The following RBFOX1 variants were observed in gnomAD, a reference collection of about 807,000 sequenced individuals.
RBFOX1 encodes the protein RNA binding fox-1 homolog 1.
RBFOX1 carries 8 observed loss-of-function variants against 57.7 expected under a neutral mutation model. That is an observed-to-expected ratio of 0.14 (90% CI 0.08 to 0.25). The LOEUF is 0.25. Ranked by LOEUF, RBFOX1 falls within the 10% of genes least tolerant of loss-of-function variation. The pLI is 1.00. For synonymous variants in RBFOX1, 326 were observed against 222.4 expected (o/e 1.47, Z -4.15); for missense variants, 611 against 548.5 (o/e 1.11, Z -1.14).
At chr16:6,295,227 G>A (rs2077969927) in intron 1 of RBFOX1, among the ~76,000 whole-genome samples, 1 of 151,428 alleles carries the variant, frequency 6.6e-6, no homozygotes, top group South Asian at 2.1e-4. Flanking sequence ...AGGTTCAAGT[G>A]ATTGTCGTGC....
At chr16:7,051,133 A>T (rs866610106) in intron 3 of RBFOX1, among the ~76,000 whole-genome samples, 1 of 152,182 alleles carries the variant, frequency 6.6e-6, no homozygotes, top group Non-Finnish European at 1.5e-5. Flanking sequence ...TTAAAAAAAA[A>T]TACTGGAAAG....
intron 4 of RBFOX1, among the ~76,000 whole-genome samples, chr16:7,450,633 T>A (rs1372069841): frequency 1.3e-5 from 2 of 152,024 alleles, no homozygotes; most frequent in African/African-American, 4.8e-5. Context: ...TTTCCAGACC[T>A]CTCCCCTTTT....
chr16:6,480,751 A>T (rs1035718988), intron 2 of RBFOX1, among the ~76,000 whole-genome samples: 1 of 152,142 alleles, frequency 6.6e-6, no homozygotes, highest in Non-Finnish European at 1.5e-5. Context: ...TTATCTCAGC[A>T]ATTTATTTTT....
intron 2 of RBFOX1, among the ~76,000 whole-genome samples, chr16:6,439,262 C>A (rs9927752): frequency 0.22 from 33,190 of 152,050 alleles, 3,910 homozygotes; most frequent in East Asian, 0.32. Context: ...ATGAAAGATG[C>A]AAATGGAAAC....
chr16:6,555,218 A>G (rs1235886159), intron 2 of RBFOX1, among the ~76,000 whole-genome samples: 3 of 152,206 alleles, frequency 2.0e-5, no homozygotes, highest in Admixed American at 6.5e-5. Context: ...CCTGCATTCC[A>G]TATCAGGTAA....
intron 4 of RBFOX1, among the ~76,000 whole-genome samples, chr16:5,982,596 C>T (rs1444570494): frequency 6.6e-6 from 1 of 152,122 alleles, no homozygotes; most frequent in East Asian, 1.9e-4. Context: ...TTTTTAAAAG[C>T]CCTCTCATAC....
intron 3 of RBFOX1, among the ~76,000 whole-genome samples, chr16:6,818,679 C>G (rs1277263084): frequency 6.6e-6 from 1 of 152,110 alleles, no homozygotes; most frequent in Non-Finnish European, 1.5e-5. Context: ...GGTAAAGCCC[C>G]TTAGTGTTTC....
At chr16:6,312,689 CTTCCTTCCTTCCTTCCTTCCTTCCTCCA>C (rs1465722046) in intron 1 of RBFOX1, among the ~76,000 whole-genome samples, 1 of 148,414 alleles carries the variant, frequency 6.7e-6, no homozygotes. Context: ...TCCTTCCTTC[CTTCCTTCCTTCCTTCCTTCCTTCCTCCA>C]TTCCTTCCTT....
chr16:6,955,465 T>G (rs1403398994), intron 3 of RBFOX1, among the ~76,000 whole-genome samples: 1 of 152,076 alleles, frequency 6.6e-6, no homozygotes, highest in Non-Finnish European at 1.5e-5. Flanking sequence ...TTAGAAGTAC[T>G]TAAAATGATC....
chr16:7,251,353 C>G (rs1180859176), intron 4 of RBFOX1, among the ~76,000 whole-genome samples: 2 of 149,494 alleles, frequency 1.3e-5, no homozygotes, highest in Non-Finnish European at 3.0e-5. Flanking sequence ...GAATTTATCT[C>G]TTTTTAGGGC....
intron 4 of RBFOX1, among the ~76,000 whole-genome samples, chr16:7,181,139 C>T (rs1021724440): frequency 1.3e-5 from 2 of 152,192 alleles, no homozygotes; most frequent in Non-Finnish European, 2.9e-5. Flanking sequence ...TCAATCCTTC[C>T]TTGTCATGTG....
chr16:6,414,095 CT>C (rs1430980982), intron 2 of RBFOX1, among the ~76,000 whole-genome samples: 1 of 152,120 alleles, frequency 6.6e-6, no homozygotes, highest in Admixed American at 6.5e-5. Flanking sequence ...TGGAAAGGGG[CT>C]GGAGGAAGAT....
chr16:6,492,414 A>G (rs1262892379), intron 2 of RBFOX1, among the ~76,000 whole-genome samples: 2 of 152,094 alleles, frequency 1.3e-5, no homozygotes, highest in Non-Finnish European at 1.5e-5. Context: ...CTAAAAATAC[A>G]AAAATTTGCC....
At chr16:5,344,357 G>A (rs573025595) in intron 1 of RBFOX1, among the ~76,000 whole-genome samples, 2 of 152,234 alleles carry the variant, frequency 1.3e-5, no homozygotes, top group African/African-American at 4.8e-5. Flanking sequence ...GTCTCCCTCT[G>A]TTTTGCTTTA....
chr16:7,314,500 G>T (rs566040023), intron 4 of RBFOX1, among the ~76,000 whole-genome samples: 1 of 152,176 alleles, frequency 6.6e-6, no homozygotes, highest in Admixed American at 6.5e-5. Context: ...GATTCACTTA[G>T]ACACATTTTC....
intron 1 of RBFOX1, among the ~76,000 whole-genome samples, chr16:5,330,974 T>C (rs1368972248): frequency 1.8e-5 from 1 of 55,076 alleles, no homozygotes; most frequent in Non-Finnish European, 5.9e-5. Context: ...ATACCCAGGC[T>C]CTCTGGTGGT....
intron 1 of RBFOX1, among the ~76,000 whole-genome samples, chr16:6,274,412 G>A (rs1030204060): frequency 1.3e-5 from 2 of 152,180 alleles, no homozygotes; most frequent in Admixed American, 6.5e-5. Flanking sequence ...CAGCCCAACA[G>A]CCTGAATGAA....
chr16:7,680,034 C>G (rs186391663), intron 14 of RBFOX1, among the ~76,000 whole-genome samples: 1 of 152,236 alleles, frequency 6.6e-6, no homozygotes, highest in East Asian at 1.9e-4. Context: ...AGAGCGTTTC[C>G]TGAGCTTGAA....
chr16:5,962,286 C>G (rs2059765228), intron 4 of RBFOX1, among the ~76,000 whole-genome samples: 1 of 152,180 alleles, frequency 6.6e-6, no homozygotes, highest in Non-Finnish European at 1.5e-5. Flanking sequence ...TAAATTGTTT[C>G]CCAGACTCAG....
Sources: gnomAD v4.1 joint callset for allele counts (sites outside exome capture counted in the v4.1 genomes callset) on GRCh38, gnomAD v4.1.1 for gene constraint, MANE v1.5 for transcripts, NCBI Gene and HGNC (gene_info 2026-07-23, HGNC 2026-07-21) for gene names.